SIRPG: variants seen among roughly 807,000 people sequenced by gnomAD.
SIRPG encodes the protein signal-regulatory protein gamma.
A neutral mutation model predicts 35.7 loss-of-function variants in SIRPG; 38 were observed. The observed-to-expected ratio is 1.06, with a 90% CI of 0.82 to 1.40. The LOEUF is 1.40. Ranked by LOEUF, SIRPG falls within the 40% of genes most tolerant of loss-of-function variation. The probability of loss-of-function intolerance (pLI) is 0.00; values close to 1 mark genes in which losing one functional copy is unlikely to be tolerated. For missense variants in SIRPG, 519 were observed against 483.0 expected (o/e 1.07, Z -0.70); for synonymous variants, 215 against 190.4 (o/e 1.13, Z -1.06).
intron 1 of SIRPG, among the ~76,000 whole-genome samples, chr20:1,651,634 C>T (rs1279857058): frequency 6.6e-6 from 1 of 152,098 alleles, no homozygotes; most frequent in Admixed American, 6.5e-5. Context: ...GGGGATTATT[C>T]TAAACCGGGG....
intron 4 of SIRPG, among the ~76,000 whole-genome samples, chr20:1,634,470 G>A (rs2091776445): frequency 6.6e-6 from 1 of 151,954 alleles, no homozygotes; most frequent in African/African-American, 2.4e-5. Flanking sequence ...GCCTCCCAAA[G>A]TGCTGGGATT....
chr20:1,636,397 A>T lies in SIRPG; in HGVS notation c.539T>A (p.Leu180Gln). The change falls in exon 3 of 6, where the codon CTG becomes CAG. Residue 180 changes from leucine to glutamine, a missense_variant. Physicochemically the swap from Leu to Gln is moderately radical, Grantham distance 113. Coordinates refer to ENST00000303415, the MANE Select transcript of SIRPG (RefSeq NM_018556.4). ...SHGFSPRDIT[L>Q]KWFKNGNELS... ...CTCATTCCCATTTTTGAACCATTTC[A>T]GGGTGATGTCTCTGGGAGAGAAGCC... 1 of 1,614,200 alleles carries T rather than the reference A, an allele frequency of 6.2e-7. No individual in the cohort carries two copies. The highest frequency in any genetic ancestry group is 8.5e-7 in the Non-Finnish European group (1 of 1,180,018).
At chr20:1,652,225 C>T (rs1357444744) in intron 1 of SIRPG, among the ~76,000 whole-genome samples, 1 of 152,228 alleles carries the variant, frequency 6.6e-6, no homozygotes, top group Non-Finnish European at 1.5e-5. Flanking sequence ...TGGTTATCTA[C>T]TAGAATCTAC....
intron 4 of SIRPG, among the ~76,000 whole-genome samples, chr20:1,634,215 T>G (rs1406687355): frequency 2.0e-5 from 3 of 150,618 alleles, no homozygotes; most frequent in African/African-American, 4.9e-5. Flanking sequence ...TACAGTTTTT[T>G]TTTTTTTTTT....
the SIRPG span, among the ~76,000 whole-genome samples, chr20:1,668,562 G>A: frequency 3.3e-5 from 5 of 152,206 alleles, no homozygotes; most frequent in Admixed American, 6.5e-5. Context: ...GATTACAGGC[G>A]TGAGCCACCG....
chr20:1,650,343 G>A (rs1443075415), intron 1 of SIRPG, among the ~76,000 whole-genome samples: 1 of 151,906 alleles, frequency 6.6e-6, no homozygotes, highest in Non-Finnish European at 1.5e-5. Flanking sequence ...AGGAAAAAAT[G>A]GACAAAGTAC....
intron 2 of SIRPG, among the ~76,000 whole-genome samples, chr20:1,640,157 A>C (rs2091840913): frequency 1.3e-5 from 2 of 152,162 alleles, no homozygotes; most frequent in African/African-American, 4.8e-5. Flanking sequence ...TAATTCTGTG[A>C]AGAATGTCAA....
chr20:1,685,679 G>C, the SIRPG span, among the ~76,000 whole-genome samples: 1 of 152,010 alleles, frequency 6.6e-6, no homozygotes, highest in Non-Finnish European at 1.5e-5. Context: ...AGAGGAAGAG[G>C]GCACAAAAAA....
intron 2 of SIRPG, among the ~76,000 whole-genome samples, chr20:1,638,931 C>A (rs992366775): frequency 6.6e-6 from 1 of 152,122 alleles, no homozygotes; most frequent in Admixed American, 6.5e-5. Flanking sequence ...TCATCCATGG[C>A]CCCGCAAAGG....
chr20:1,659,145 G>C (rs750862237), upstream of SIRPG, among the ~76,000 whole-genome samples: 8 of 152,154 alleles, frequency 5.3e-5, no homozygotes, highest in Non-Finnish European at 1.0e-4. Flanking sequence ...CTGTGTACAG[G>C]AAGAGTCCAC....
the SIRPG span, chr20:1,676,578 C>T: frequency 6.5e-6 from 1 of 152,958 alleles, no homozygotes. Context: ...GCATTCTGAG[C>T]CTTTGGGAAA....
At chr20:1,633,032 C>A (rs1254028649) in intron 4 of SIRPG, among the ~76,000 whole-genome samples, 2 of 152,010 alleles carry the variant, frequency 1.3e-5, no homozygotes, top group African/African-American at 4.8e-5. Context: ...ACAGAAATGG[C>A]ATATTTTAGA....
intron 2 of SIRPG, chr20:1,648,212 C>T (rs148124199): frequency 6.6e-6 from 1 of 152,238 alleles, no homozygotes; most frequent in African/African-American, 2.4e-5. Flanking sequence ...TTGGGCACCC[C>T]TGAGCCACCC....
chr20:1,661,013 A>G (rs1243846553), upstream of SIRPG, among the ~76,000 whole-genome samples: 2 of 152,352 alleles, frequency 1.3e-5, no homozygotes, highest in East Asian at 3.9e-4. Context: ...TGTGATGAGA[A>G]TTAAATGAAC....
chr20:1,645,666 A>G (rs187664326), intron 2 of SIRPG, among the ~76,000 whole-genome samples: 1 of 152,340 alleles, frequency 6.6e-6, no homozygotes, highest in Non-Finnish European at 1.5e-5. Flanking sequence ...TCAACAGATG[A>G]GGACACCAAG....
intron 2 of SIRPG, among the ~76,000 whole-genome samples, chr20:1,643,960 A>C (rs1022056234): frequency 4.6e-5 from 7 of 152,016 alleles, no homozygotes; most frequent in Non-Finnish European, 1.0e-4. Context: ...TAGGATCTCT[A>C]ACCTCGAGGG....
At chr20:1,684,251 A>G in the SIRPG span, among the ~76,000 whole-genome samples, 6 of 152,220 alleles carry the variant, frequency 3.9e-5, no homozygotes, top group Admixed American at 3.3e-4. Flanking sequence ...CACATATTTT[A>G]TAATATGTTG....
intron 1 of SIRPG, among the ~76,000 whole-genome samples, chr20:1,652,996 C>T (rs1173293286): frequency 6.6e-6 from 1 of 152,120 alleles, no homozygotes; most frequent in Non-Finnish European, 1.5e-5. Context: ...GTGGTTTGCT[C>T]CTGTGGAATT....
upstream of SIRPG, among the ~76,000 whole-genome samples, chr20:1,660,972 G>A (rs568293076): frequency 5.3e-5 from 8 of 152,180 alleles, no homozygotes; most frequent in South Asian, 2.1e-4. Flanking sequence ...AGTGTACAAC[G>A]GAGAGAATAA....
Sources: gnomAD v4.1 joint callset for allele counts (sites outside exome capture counted in the v4.1 genomes callset) on GRCh38, gnomAD v4.1.1 for gene constraint, MANE v1.5 for transcripts, NCBI Gene and HGNC (gene_info 2026-07-23, HGNC 2026-07-21) for gene names.